The following ADGRF1 variants were observed in gnomAD, a reference collection of about 807,000 sequenced individuals.
ADGRF1 encodes the protein G protein-coupled receptor 110.
ADGRF1 carries 85 observed loss-of-function variants against 87.2 expected under a neutral mutation model. The observed-to-expected ratio is 0.97, with a 90% confidence interval of 0.82 to 1.17. The LOEUF (loss-of-function observed/expected upper bound fraction) is 1.17, where lower values mean the gene tolerates loss of function less well. Among genes scored for constraint, ADGRF1 ranks in the 50% most tolerant of loss-of-function variants. ADGRF1 has a pLI of 0.00. For missense variants in ADGRF1, 1,169 were observed against 1,077.2 expected, an observed-to-expected ratio of 1.09 and a Z score of -1.19; for synonymous variants, 430 against 408.8, an observed-to-expected ratio of 1.05 and a Z score of -0.63.
chr6:47,031,897 G>A (rs1187122981), intron 1 of ADGRF1, among the ~76,000 whole-genome samples: 2 of 151,968 alleles, frequency 1.3e-5, no homozygotes, highest in Non-Finnish European at 2.9e-5. Context: ...TTTTTGTAGA[G>A]ACAAGGTTTC....
intron 3 of ADGRF1, among the ~76,000 whole-genome samples, chr6:47,027,423 G>T (rs1780268638): frequency 6.6e-6 from 1 of 152,168 alleles, no homozygotes; most frequent in South Asian, 2.1e-4. Context: ...CTGGACTGGG[G>T]CTATGGCCAT....
intron 9 of ADGRF1, chr6:47,012,417 T>C: frequency 1.3e-6 from 1 of 753,568 alleles, no homozygotes; most frequent in Non-Finnish European, 1.8e-6. Flanking sequence ...TTCAACATCC[T>C]TTGAGGGAGG....
chr6:47,035,392 G>A (rs1780560329), intron 1 of ADGRF1, among the ~76,000 whole-genome samples: 1 of 152,074 alleles, frequency 6.6e-6, no homozygotes, highest in African/African-American at 2.4e-5. Context: ...TTCTTGAATT[G>A]TTTGCTTTTA....
chr6:47,015,601 T>TTTATTTATTTATTTAC (rs1284866394), intron 8 of ADGRF1, among the ~76,000 whole-genome samples: 16 of 151,758 alleles, frequency 1.1e-4, no homozygotes, highest in African/African-American at 3.9e-4. Flanking sequence ...TATTTATTTA[T>TTTATTTATTTATTTAC]TTTTGTAACA....
In ADGRF1 at chr6:47,026,004, C is replaced by G; in HGVS notation, c.128-1G>C. 6.4e-7 allele frequency: 1 copy of G among 1,571,222 alleles called. No individual in the cohort carries two copies. The highest frequency in any genetic ancestry group is 8.6e-7 in the Non-Finnish European group (1 of 1,157,328). On this transcript the variant is annotated splice_acceptor_variant, in intron 3 of 14. Transcript: ENST00000371253. LOFTEE classifies it high-confidence loss of function. ...AGCAGCTGATATTCTTCGACTGGGC[C>G]TAAAGAGAGAAAGAGAGTCAGAAAC... is the stretch of plus-strand genomic sequence containing the variant.
rs575184500 is a variant in ADGRF1, at chr6:47,035,269, A to C, written c.-43-6165T>G. Among the ~76,000 whole-genome samples the C allele has an allele frequency of 1.9e-4, 29 of 152,318 alleles. No individual in the cohort carries two copies. The South Asian group carries it at 5.8e-3, about 30-fold the overall frequency. ...GATGCCAAGCTCTTTCTTCTAGCCA[A>C]GATTTCAGCTTAGTAACAGGACCCA... On this transcript the variant is annotated intron_variant, in intron 1 of 14. Transcript: ENST00000371253.
At chr6:47,013,233 C>T in intron 9 of ADGRF1, 3 of 985,476 alleles carry the variant, frequency 3.0e-6, no homozygotes, top group Non-Finnish European at 2.4e-6. Flanking sequence ...TCTCAACTGA[C>T]AATGCTGTTT....
At chr6:47,024,799 T>C (rs1780175579) in intron 4 of ADGRF1, among the ~76,000 whole-genome samples, 1 of 152,194 alleles carries the variant, frequency 6.6e-6, no homozygotes, top group African/African-American at 2.4e-5. Context: ...ACTCAATAAA[T>C]TCTGAGGTTG....
intron 6 of ADGRF1, 102 bp from the exon 7 acceptor site, chr6:47,020,891 C>A: frequency 1.2e-6 from 1 of 826,108 alleles, no homozygotes; most frequent in East Asian, 2.6e-5. Flanking sequence ...TCAACAGTAG[C>A]AAAGGAGCAA....
In ADGRF1 at chr6:47,009,639, C is replaced by T. The variant is rs772268836; in HGVS notation, c.1796G>A (p.Ser599Asn). ...TYVGLGISIG[S>N]LILCLIIEAL... The stretch of plus-strand genomic sequence containing the variant: ...CTCGATGATCAGGCATAAAATGAGA[C>T]TTCCAATGGAGATACCCAGTCCCAC... Residue 599 changes from serine to asparagine, a missense_variant, in exon 11 of 15, where the codon AGT (serine) becomes AAT (asparagine). Ser to Asn is a conservative substitution (Grantham distance 46, BLOSUM62 1). Transcript: ENST00000371253. The T allele has an allele frequency of 3.1e-6, 5 of 1,614,068 alleles. No homozygotes were observed. The South Asian group carries it at 4.4e-5, about 14-fold the overall frequency.
At chr6:47,003,989 G>C (rs907768601) in intron 13 of ADGRF1, among the ~76,000 whole-genome samples, 3 of 152,070 alleles carry the variant, frequency 2.0e-5, no homozygotes, top group Admixed American at 6.6e-5. Context: ...TCTTCAGTCC[G>C]ACCAATCCCT....
At chr6:47,037,934 T>G (rs1418809753) in intron 1 of ADGRF1, among the ~76,000 whole-genome samples, 1 of 152,146 alleles carries the variant, frequency 6.6e-6, no homozygotes, top group Non-Finnish European at 1.5e-5. Flanking sequence ...AATCTCTGCT[T>G]ACTGCACCCT....
intron 9 of ADGRF1, chr6:47,013,878 T>TCTC (rs1779781910): frequency 6.8e-6 from 1 of 146,890 alleles, no homozygotes; most frequent in African/African-American, 2.5e-5. Flanking sequence ...ATCTCTCTCT[T>TCTC]TCTCTCTCTC....
chr6:47,013,299 T>C (rs1452801455), intron 9 of ADGRF1: 2 of 985,354 alleles, frequency 2.0e-6, no homozygotes, highest in East Asian at 1.1e-4. Flanking sequence ...CTATTGCTCA[T>C]GTCCAGAATT....
chr6:47,031,432 A>T (rs887644310), intron 1 of ADGRF1, among the ~76,000 whole-genome samples: 5 of 151,104 alleles, frequency 3.3e-5, no homozygotes, highest in African/African-American at 4.9e-5. Flanking sequence ...CTGAGGCTGT[A>T]AAGGCAGCTT....
chr6:47,027,524 A>G (rs1780275060), intron 3 of ADGRF1, among the ~76,000 whole-genome samples, 180 bp downstream of exon 3: 1 of 152,164 alleles, frequency 6.6e-6, no homozygotes, highest in African/African-American at 2.4e-5. Flanking sequence ...TGCTCTCATG[A>G]TATTATTTAA....
Position 47,000,295 on chromosome 6 carries a change from C to T in ADGRF1, c.2660G>A (p.Gly887Asp). The change falls in exon 15 of 15, where the codon GGC (glycine) becomes GAC (aspartate). Residue 887 changes from glycine to aspartate, a missense_variant and splice_region_variant. Physicochemically the swap from Gly to Asp is moderately conservative, Grantham distance 94. Transcript: ENST00000371253. ...TCCAGTATGAGAAAATGCATAATGG[C>T]CTGAAGGGGAAAAAAAAAGGAAATA... ...SKPFNPLQNK[G>D]HYAFSHTGDS... 6.3e-7 allele frequency: 1 copy of T among 1,583,298 alleles called. No individual in the cohort carries two copies. Among genetic ancestry groups the T allele is most frequent in the Non-Finnish European group, 8.6e-7 (1 of 1,158,524 alleles).
chr6:47,000,125 A>G lies in ADGRF1; in HGVS notation c.*97T>C. 1 of 893,622 alleles carries G rather than the reference A, an allele frequency of 1.1e-6. No individual in the cohort carries two copies. Among genetic ancestry groups the G allele is most frequent in the Non-Finnish European group, 1.8e-6 (1 of 553,818 alleles). The allele number at this position is 893,622 out of a possible 1,614,324, so 55.4% of individuals were successfully genotyped here. Reference sequence around the variant, plus strand: ...TTATTCCCAGACCCCTAAATCAGAAAACCCGATCGAATACTGAGCATAATT... The same window carrying G: ...TTATTCCCAGACCCCTAAATCAGAAGACCCGATCGAATACTGAGCATAATT... On this transcript the variant is annotated 3_prime_UTR_variant, in exon 15 of 15. Transcript: ENST00000371253.
chr6:47,000,600 C>T (rs915768543), intron 14 of ADGRF1, among the ~76,000 whole-genome samples: 7 of 152,074 alleles, frequency 4.6e-5, no homozygotes, highest in Non-Finnish European at 8.8e-5. Context: ...AATCTCTTAG[C>T]TTTTTATTTT....
Sources: allele counts gnomAD v4.1 joint callset (sites outside exome capture counted in the v4.1 genomes callset), GRCh38; gene constraint gnomAD v4.1.1; transcripts MANE v1.5; gene names NCBI Gene and HGNC (gene_info 2026-07-23, HGNC 2026-07-21).